PRH1: variants seen among roughly 807,000 people sequenced by gnomAD.
PRH1 encodes the protein salivary acidic proline-rich phosphoprotein 1/2.
In PRH1, 7 loss-of-function variants were observed where a neutral mutation model predicts 7.9. That is an observed-to-expected ratio of 0.89 (90% CI 0.50 to 1.67). The LOEUF (loss-of-function observed/expected upper bound fraction) is 1.67, where lower values mean the gene tolerates loss of function less well. PRH1 is among the 40% of genes most tolerant of loss of function. The pLI, the probability that PRH1 is intolerant of heterozygous loss-of-function variation, is 0.00. For missense variants in PRH1, 109 were observed against 223.6 expected (o/e 0.49, Z 3.27); for synonymous variants, 45 against 80.8 (o/e 0.56, Z 2.38).
intron 1 of PRH1, chr12:11,006,371 C>CTTTTTTTTTTTTTTTTTTT (rs199571634): frequency 8.1e-6 from 1 of 123,208 alleles, no homozygotes; most frequent in Non-Finnish European, 1.7e-5. Flanking sequence ...TTCTCCTTTT[C>CTTTTTTTTTTTTTTTTTTT]TTTTTTTTTT....
upstream of PRH1, among the ~76,000 whole-genome samples, chr12:11,049,835 T>C (rs1943069866): frequency 6.6e-6 from 1 of 152,200 alleles, no homozygotes; most frequent in South Asian, 2.1e-4. Context: ...GGGAGGCCAA[T>C]ACACCTTAAA....
intron 1 of PRH1, among the ~76,000 whole-genome samples, chr12:11,088,187 A>C (rs796089074): frequency 0.45 from 43,749 of 97,602 alleles, 4,758 homozygotes; most frequent in Non-Finnish European, 0.53. Context: ...CAGAAAATAC[A>C]AAAATTAGCC....
intron 1 of PRH1, chr12:10,986,574 A>C: frequency 2.5e-6 from 4 of 1,614,124 alleles, no homozygotes; most frequent in Non-Finnish European, 3.4e-6. Flanking sequence ...AGCAAGCCAC[A>C]TGCTGAAATG....
intron 1 of PRH1, among the ~76,000 whole-genome samples, chr12:11,147,857 A>C (rs1383482862): frequency 6.6e-6 from 1 of 152,020 alleles, no homozygotes; most frequent in Non-Finnish European, 1.5e-5. Context: ...GATGGCATTG[A>C]ATCTATAAAT....
At chr12:11,046,612 C>T (rs138511159) in intron 1 of PRH1, among the ~76,000 whole-genome samples, 26 of 152,254 alleles carry the variant, frequency 1.7e-4, no homozygotes, top group African/African-American at 5.1e-4. Context: ...CAAGTGCTGA[C>T]CTCTCTCTAG....
At chr12:10,947,769 GT>G (rs2135907072) in intron 2 of PRH1, among the ~76,000 whole-genome samples, 1 of 152,022 alleles carries the variant, frequency 6.6e-6, no homozygotes, top group South Asian at 2.1e-4. Flanking sequence ...GCTGGTAGTG[GT>G]GTTCTTTTCT....
At chr12:10,933,280 T>G (rs1950239649) in intron 2 of PRH1, among the ~76,000 whole-genome samples, 1 of 152,102 alleles carries the variant, frequency 6.6e-6, no homozygotes, top group Admixed American at 6.5e-5. Flanking sequence ...CTCATTATAG[T>G]AGTTAATATC....
chr12:10,955,305 A>G (rs779245226), intron 2 of PRH1, among the ~76,000 whole-genome samples: 171 of 152,206 alleles, frequency 1.1e-3, no homozygotes, highest in Non-Finnish European at 2.1e-3. Flanking sequence ...AATTACATAG[A>G]AATTAAACAA....
At chr12:11,091,281 C>G in intron 1 of PRH1, 1 of 1,182,754 alleles carries the variant, frequency 8.5e-7, no homozygotes, top group South Asian at 1.3e-5. Flanking sequence ...AGAAGATACA[C>G]AATGCCCCTC....
At chr12:11,020,494 AAC>A (rs1177886635) in intron 1 of PRH1, among the ~76,000 whole-genome samples, 5 of 151,948 alleles carry the variant, frequency 3.3e-5, no homozygotes, top group Admixed American at 2.6e-4. Flanking sequence ...ACCAAGAATT[AAC>A]ACAGTCACAC....
chr12:11,033,835 C>G (rs1024502569), intron 1 of PRH1, among the ~76,000 whole-genome samples: 4 of 152,004 alleles, frequency 2.6e-5, no homozygotes, highest in African/African-American at 9.7e-5. Context: ...AGTTATAATG[C>G]GCACTTAGAA....
chr12:11,043,715 C>G (rs1042071288), intron 1 of PRH1, among the ~76,000 whole-genome samples: 4 of 151,994 alleles, frequency 2.6e-5, no homozygotes, highest in African/African-American at 9.7e-5. Context: ...AATTAAATAG[C>G]TGAAGATTAA....
chr12:10,939,466 C>A (rs1950356033), intron 2 of PRH1, among the ~76,000 whole-genome samples: 3 of 150,924 alleles, frequency 2.0e-5, no homozygotes, highest in African/African-American at 7.3e-5. Context: ...AGGCTGAAGT[C>A]TTTTGTAGCT....
At position 11,079,866 on chromosome 12, in the gene PRH1, C is replaced by T. The variant is rs554072960; in HGVS notation, n.124-32678G>A. 1.3e-3 allele frequency among the ~76,000 whole-genome samples: 152 copies of T among 116,754 alleles called. 33 individuals are homozygous for T. Among genetic ancestry groups the T allele is most frequent in the African/African-American group, 4.2e-3 (147 of 34,916 alleles). The allele number at this position is 116,754 out of a possible 152,430, so 76.6% of individuals were successfully genotyped here. On this transcript the variant is annotated intron_variant and non_coding_transcript_variant, in intron 1 of 4. Transcript: ENST00000541977. Reference sequence around the variant, plus strand: ...TATAAAAATAGTGAATTTTTCCCTTCGGTATATAATGAGCAGAGTAATAAT... The same window carrying T: ...TATAAAAATAGTGAATTTTTCCCTTTGGTATATAATGAGCAGAGTAATAAT...
At chr12:11,061,335 T>C in intron 1 of PRH1, 1 of 1,586,636 alleles carries the variant, frequency 6.3e-7, no homozygotes, top group Non-Finnish European at 8.5e-7. Context: ...TGTTTTCTGC[T>C]AGAAGATACA....
intron 1 of PRH1, among the ~76,000 whole-genome samples, chr12:11,076,453 T>G (rs1448790544): frequency 2.7e-5 from 3 of 109,942 alleles, no homozygotes; most frequent in Non-Finnish European, 4.3e-5. Flanking sequence ...ATATTTGAGT[T>G]TTTTTGAGGA....
chr12:11,040,622 A>G (rs1942669361), intron 1 of PRH1, among the ~76,000 whole-genome samples: 1 of 152,184 alleles, frequency 6.6e-6, no homozygotes, highest in Non-Finnish European at 1.5e-5. Context: ...TGACGGGTTG[A>G]TGGGTGCAGC....
At chr12:10,888,373 C>A (rs1455157102), upstream of PRH1, among the ~76,000 whole-genome samples, 1 of 152,196 alleles carries the variant, frequency 6.6e-6, no homozygotes, top group Non-Finnish European at 1.5e-5. Context: ...AGGATGGACA[C>A]CTTACCCATC....
chr12:11,096,308 T>C (rs1199003417), intron 1 of PRH1, among the ~76,000 whole-genome samples: 1 of 115,668 alleles, frequency 8.6e-6, no homozygotes, highest in African/African-American at 2.9e-5. Flanking sequence ...CACTAATTCT[T>C]TCTTATGTTT....
Sources: gnomAD v4.1 joint callset for allele counts (sites outside exome capture counted in the v4.1 genomes callset) on GRCh38, gnomAD v4.1.1 for gene constraint, MANE v1.5 for transcripts, NCBI Gene and HGNC (gene_info 2026-07-23, HGNC 2026-07-21) for gene names.